SERPINA3: variants seen among roughly 807,000 people sequenced by gnomAD.
The protein encoded by SERPINA3 is alpha-1-antichymotrypsin.
A neutral mutation model predicts 26.8 loss-of-function variants in SERPINA3; 32 were observed. The ratio of observed to expected loss-of-function variants is 1.20; its 90% CI spans 0.90 to 1.61. The LOEUF is 1.61. Ranked by LOEUF, SERPINA3 falls within the 40% of genes most tolerant of loss-of-function variation. The probability of loss-of-function intolerance (pLI) is 0.00; values close to 1 mark genes in which losing one functional copy is unlikely to be tolerated. For synonymous variants in SERPINA3, 252 were observed against 206.4 expected (o/e 1.22, Z -1.89); for missense variants, 632 against 517.9 (o/e 1.22, Z -2.14).
rs746010449 is a variant in SERPINA3 at position 94,614,475 on chromosome 14, C to A, written c.34C>A (p.Leu12Ile). Residue 12 changes from leucine (L) to isoleucine (I), a missense_variant, in exon 2 of 5, where the codon CTC becomes ATC. Coordinates refer to ENST00000393078, the MANE Select transcript of SERPINA3 (RefSeq NM_001085.5). ...ERMLPLLALG[L>I]LAAGFCPAVL... ...AATGTTACCTCTCCTGGCTCTGGGG[C>A]TCTTGGCGGCTGGGTTCTGCCCTGC... is the stretch of plus-strand genomic sequence containing the variant. The A allele has an allele frequency of 1.2e-6, 2 of 1,614,024 alleles. No individual in the cohort carries two copies. The highest frequency in any genetic ancestry group is 2.2e-5 in the East Asian group (1 of 44,858).
chr14:94,615,532 G>A, intron 2 of SERPINA3: 1 of 440,134 alleles, frequency 2.3e-6, no homozygotes, highest in Non-Finnish European at 4.6e-6. Flanking sequence ...CAGGGGCCTT[G>A]GTGTCTGGAG....
At chr14:94,615,330 T>C (rs1408036518) in intron 2 of SERPINA3, among the ~76,000 whole-genome samples, 2 of 152,236 alleles carry the variant, frequency 1.3e-5, no homozygotes, top group South Asian at 2.1e-4. Context: ...TGAGTCAGTG[T>C]GGTGCTTTTC....
intron 2 of SERPINA3, 147 bp downstream of exon 2, chr14:94,615,231 C>T: frequency 1.1e-6 from 1 of 899,428 alleles, no homozygotes; most frequent in Non-Finnish European, 1.8e-6. Context: ...CCACCCTGCC[C>T]ATAGGCATCG....
chr14:94,621,190 C>T (rs550697328), intron 3 of SERPINA3, among the ~76,000 whole-genome samples: 24 of 152,290 alleles, frequency 1.6e-4, no homozygotes, highest in Admixed American at 3.3e-4. Context: ...GACCCCAGAA[C>T]GTGGGGGTCC....
chr14:94,623,939 T>C lies in SERPINA3; in HGVS notation c.*125T>C. 1.2e-6 allele frequency: 1 copy of C among 852,756 alleles called. No homozygotes were observed. Among genetic ancestry groups the C allele is most frequent in the Non-Finnish European group, 2.0e-6 (1 of 503,630 alleles). The allele number at this position is 852,756 out of a possible 1,614,324, so 52.8% of individuals were successfully genotyped here. A position where few individuals can be genotyped will look rare whatever the true frequency, so the allele number is the denominator to read the frequency against. On this transcript the variant is annotated 3_prime_UTR_variant, in exon 5 of 5. Coordinates refer to ENST00000393078, the MANE Select transcript of SERPINA3 (RefSeq NM_001085.5). ...CATGGCATGTGTGGCCCTGTCTGCT[T>C]ATCCTTGGAAGGTGACAGCGATTCC...
chr14:94,619,714 T>C (rs1016793175), intron 3 of SERPINA3: 2 of 563,996 alleles, frequency 3.5e-6, no homozygotes, highest in African/African-American at 3.8e-5. Context: ...TCATGAGAAA[T>C]CTTCTGCACA....
At position 94,613,546 on chromosome 14, in the gene SERPINA3, G is replaced by A. The variant is rs182119145; in HGVS notation, c.-8-888G>A. 2.0e-5 allele frequency: 3 copies of A among 152,254 alleles called. No homozygotes were observed. The East Asian group carries it at 5.8e-4, about 29-fold the overall frequency. The allele number at this position is 152,254 out of a possible 1,614,324, so 9.4% of individuals were successfully genotyped here. A position where few individuals can be genotyped will look rare whatever the true frequency, so the allele number is the denominator to read the frequency against. ...GGTGCCTTCATCATTTATCTCACCT[G>A]AGCCACTTAACAGGTTGTGCAGAGA... is the stretch of plus-strand genomic sequence containing the variant. On this transcript the variant is annotated intron_variant, in intron 1 of 4. Coordinates refer to ENST00000393078, the MANE Select transcript of SERPINA3 (RefSeq NM_001085.5).
rs1065623 is a variant in SERPINA3 at position 94,624,001 on chromosome 14, C to T, written c.*187C>T. 2 of 653,254 alleles carry T rather than the reference C, an allele frequency of 3.1e-6. No individual in the cohort carries two copies. The highest frequency in any genetic ancestry group is 2.7e-6 in the Non-Finnish European group (1 of 364,256). 40.5% of individuals were successfully genotyped at this position (653,254 alleles called of 1,614,324 possible). A position where few individuals can be genotyped will look rare whatever the true frequency, so the allele number is the denominator to read the frequency against. On this transcript the variant is annotated 3_prime_UTR_variant, in exon 5 of 5. Transcript: ENST00000393078. ...TCACATGCACAGGGGCCCATGGACT[C>T]TTCAGTCTGGAGGGTCCTGGGCCTC... is the stretch of plus-strand genomic sequence containing the variant.
chr14:94,612,868 G>A (rs967870177), intron 1 of SERPINA3, among the ~76,000 whole-genome samples: 1 of 152,038 alleles, frequency 6.6e-6, no homozygotes, highest in Non-Finnish European at 1.5e-5. Context: ...ATGATTTCAG[G>A]GTCTCCATGG....
intron 3 of SERPINA3, 24 bp downstream of exon 3, chr14:94,619,492 A>G: frequency 6.2e-7 from 1 of 1,613,416 alleles, no homozygotes; most frequent in Non-Finnish European, 8.5e-7. Flanking sequence ...GCCCCCAAAG[A>G]CCCCACATCT....
chr14:94,618,644 C>T (rs930170820), intron 2 of SERPINA3: 2 of 188,670 alleles, frequency 1.1e-5, no homozygotes, highest in Admixed American at 5.3e-5. Flanking sequence ...GTTCTATCTT[C>T]CATTAAGGTT....
intron 2 of SERPINA3, chr14:94,615,385 C>T: frequency 2.0e-6 from 1 of 504,184 alleles, no homozygotes; most frequent in Non-Finnish European, 3.8e-6. Context: ...AGGAGCTCTC[C>T]TTTCAAACCA....
At chr14:94,617,828 A>G (rs1886057717) in intron 2 of SERPINA3, 3 of 152,172 alleles carry the variant, frequency 2.0e-5, no homozygotes, top group Admixed American at 2.0e-4. Context: ...GCCTAGTAGT[A>G]TGTATTTTAG....
At chr14:94,623,342 A>G (rs1178710590) in intron 4 of SERPINA3, among the ~76,000 whole-genome samples, 1 of 152,212 alleles carries the variant, frequency 6.6e-6, no homozygotes, top group Non-Finnish European at 1.5e-5. Context: ...ACTCAGACAC[A>G]AAGGGATGCA....
chr14:94,622,358 A>T lies in SERPINA3; in HGVS notation c.935A>T (p.Tyr312Phe), dbSNP rs764144919. The T allele has an allele frequency of 1.9e-6, 3 of 1,614,022 alleles. No individual in the cohort carries two copies. Among genetic ancestry groups the T allele is most frequent in the Non-Finnish European group, 2.5e-6 (3 of 1,180,018 alleles). ...SLEFREIGELYLPKFSISRDY... is the reference protein window; with the variant it reads ...SLEFREIGELFLPKFSISRDY... ...TTTTCTAGAGAGATAGGTGAGCTCTACCTGCCAAAGTTTTCCATCTCGAGG... is the reference window on the plus strand; with the variant it reads ...TTTTCTAGAGAGATAGGTGAGCTCTTCCTGCCAAAGTTTTCCATCTCGAGG... Residue 312 changes from tyrosine (Y) to phenylalanine (F), a missense_variant, in exon 4 of 5, where the codon TAC becomes TTC. Tyr to Phe is a conservative substitution (Grantham distance 22). Coordinates refer to ENST00000393078, the MANE Select transcript of SERPINA3 (RefSeq NM_001085.5).
At chr14:94,619,022 C>G in intron 2 of SERPINA3, 173 bp from the exon 3 acceptor site, 1 of 717,786 alleles carries the variant, frequency 1.4e-6, no homozygotes, top group Non-Finnish European at 2.5e-6. Context: ...CAATCCAAGC[C>G]TGCTGGGCTC....
intron 2 of SERPINA3, chr14:94,618,994 C>T (rs1490530797): frequency 1.6e-6 from 1 of 642,262 alleles, no homozygotes; most frequent in Non-Finnish European, 2.8e-6. Context: ...CTAGGTCTTT[C>T]TTTTGTGGCC....
chr14:94,623,592 T>G lies in SERPINA3; in HGVS notation c.1069-19T>G. The stretch of plus-strand genomic sequence containing the variant: ...GCGCATCTGTGTTTCCCGTGTGTAA[T>G]GTTCTGCTGTCCCCACAGGTGGTCC... On this transcript the variant is annotated intron_variant, in intron 4 of 4. Transcript: ENST00000393078. 1 of 1,612,532 alleles carries G rather than the reference T, an allele frequency of 6.2e-7. No homozygotes were observed. The highest frequency in any genetic ancestry group is 8.5e-7 in the Non-Finnish European group (1 of 1,179,056).
At chr14:94,618,607 T>C in intron 2 of SERPINA3, 1 of 177,086 alleles carries the variant, frequency 5.6e-6, no homozygotes, top group Admixed American at 5.4e-5. Flanking sequence ...CCTAGGCTTT[T>C]ATTCCCATGG....
Sources: gnomAD v4.1 joint callset for allele counts (sites outside exome capture counted in the v4.1 genomes callset) on GRCh38, gnomAD v4.1.1 for gene constraint, MANE v1.5 for transcripts, NCBI Gene and HGNC (gene_info 2026-07-23, HGNC 2026-07-21) for gene names.